The following B3GAT2 variants were observed in gnomAD, a reference collection of about 807,000 sequenced individuals.
The protein encoded by B3GAT2 is beta-1,3-glucuronyltransferase 2, also known as galactosylgalactosylxylosylprotein 3-beta-glucuronosyltransferase 2.
Under a neutral mutation model 27.8 loss-of-function variants are expected in B3GAT2, and 26 were observed. That is an observed-to-expected ratio of 0.93 (90% confidence interval 0.68 to 1.30). The LOEUF (loss-of-function observed/expected upper bound fraction) is 1.30, where lower values mean the gene tolerates loss of function less well. B3GAT2 is among the 50% of genes most tolerant of loss of function. B3GAT2 has a pLI of 0.00. For synonymous variants in B3GAT2, 218 were observed against 195.1 expected (o/e 1.12, Z -0.98); for missense variants, 458 against 459.0 (o/e 1.00, Z 0.02).
chr6:70,907,650 T>C (rs1422087467), intron 1 of B3GAT2, among the ~76,000 whole-genome samples: 1 of 152,216 alleles, frequency 6.6e-6, no homozygotes, highest in Non-Finnish European at 1.5e-5. Flanking sequence ...GCAAAATTCA[T>C]ATAAGTCAAT....
At chr6:70,897,312 T>C (rs1772404655) in intron 1 of B3GAT2, among the ~76,000 whole-genome samples, 1 of 152,240 alleles carries the variant, frequency 6.6e-6, no homozygotes, top group South Asian at 2.1e-4. Flanking sequence ...TGTATAAATA[T>C]TTTCTCCCAC....
chr6:70,899,077 G>T (rs1430239990), intron 1 of B3GAT2, among the ~76,000 whole-genome samples: 1 of 152,136 alleles, frequency 6.6e-6, no homozygotes, highest in Admixed American at 6.5e-5. Context: ...TGCTGTGCAA[G>T]AGACATGCTC....
At chr6:70,878,949 C>T (rs908451121) in intron 2 of B3GAT2, among the ~76,000 whole-genome samples, 6 of 152,130 alleles carry the variant, frequency 3.9e-5, no homozygotes, top group African/African-American at 1.4e-4. Context: ...CCGTCACCAG[C>T]AGGCATTGAA....
chr6:70,926,494 G>A (rs1042565113), intron 1 of B3GAT2, among the ~76,000 whole-genome samples: 1 of 152,190 alleles, frequency 6.6e-6, no homozygotes, highest in Admixed American at 6.5e-5. Context: ...ACCTGATGGA[G>A]CTGAAAACCA....
intron 1 of B3GAT2, among the ~76,000 whole-genome samples, chr6:70,905,775 A>G (rs1772591271): frequency 6.6e-6 from 1 of 152,178 alleles, no homozygotes; most frequent in African/African-American, 2.4e-5. Flanking sequence ...ACTCAGATAC[A>G]AAGGAGCTAC....
At chr6:70,896,588 T>A (rs1341197933) in intron 1 of B3GAT2, among the ~76,000 whole-genome samples, 1 of 152,220 alleles carries the variant, frequency 6.6e-6, no homozygotes, top group Non-Finnish European at 1.5e-5. Context: ...CTCCTTTCTA[T>A]AACTATACAT....
At chr6:70,906,246 C>T (rs746047383) in intron 1 of B3GAT2, among the ~76,000 whole-genome samples, 1 of 152,198 alleles carries the variant, frequency 6.6e-6, no homozygotes, top group African/African-American at 2.4e-5. Flanking sequence ...ATTAACCATG[C>T]AGTTTCAAAA....
chr6:70,869,529 T>C (rs1771901680), intron 2 of B3GAT2, among the ~76,000 whole-genome samples: 1 of 152,210 alleles, frequency 6.6e-6, no homozygotes, highest in South Asian at 2.1e-4. Flanking sequence ...TTCTGACCCA[T>C]AACAATATTA....
intron 1 of B3GAT2, among the ~76,000 whole-genome samples, chr6:70,920,030 G>C (rs1772841038): frequency 6.6e-6 from 1 of 152,192 alleles, no homozygotes; most frequent in Admixed American, 6.5e-5. Context: ...AGAGGCAGTA[G>C]GCCTTGCTGA....
intron 1 of B3GAT2, among the ~76,000 whole-genome samples, chr6:70,934,613 T>A (rs1399392065): frequency 6.6e-6 from 1 of 152,310 alleles, no homozygotes; most frequent in African/African-American, 2.4e-5. Flanking sequence ...CCTAATATCA[T>A]TAATAAATCA....
chr6:70,927,351 T>TA (rs1772980394), intron 1 of B3GAT2, among the ~76,000 whole-genome samples: 1 of 152,142 alleles, frequency 6.6e-6, no homozygotes, highest in Admixed American at 6.5e-5. Context: ...GTAAATGGGC[T>TA]AAAAGCCCCA....
At chr6:70,875,709 C>G (rs184799569) in intron 2 of B3GAT2, among the ~76,000 whole-genome samples, 2 of 152,160 alleles carry the variant, frequency 1.3e-5, no homozygotes, top group East Asian at 1.9e-4. Flanking sequence ...TGACTACTGA[C>G]TGAAACTTTA....
chr6:70,888,265 C>T (rs1401125557), intron 2 of B3GAT2, among the ~76,000 whole-genome samples: 1 of 151,452 alleles, frequency 6.6e-6, no homozygotes, highest in Non-Finnish European at 1.5e-5. Flanking sequence ...CTATTTTACA[C>T]AAAATAGGTG....
chr6:70,916,501 T>C (rs1364507261), intron 1 of B3GAT2, among the ~76,000 whole-genome samples: 1 of 152,206 alleles, frequency 6.6e-6, no homozygotes, highest in Admixed American at 6.5e-5. Context: ...ATGCTTCCAG[T>C]TTTTGCCCAT....
intron 1 of B3GAT2, among the ~76,000 whole-genome samples, chr6:70,913,185 G>A (rs1772715530): frequency 6.6e-6 from 1 of 151,736 alleles, no homozygotes; most frequent in Non-Finnish European, 1.5e-5. Context: ...TCTTGTTTTG[G>A]TTCTTTTCTT....
Position 70,861,366 on chromosome 6 carries a change from T to C in B3GAT2, c.*297A>G, listed in dbSNP as rs919045305. The C allele has an allele frequency of 1.5e-5, 4 of 275,862 alleles. No individual in the cohort carries two copies. Among genetic ancestry groups the C allele is most frequent in the African/African-American group, 8.6e-5 (4 of 46,662 alleles). 17.1% of individuals were successfully genotyped at this position (275,862 alleles called of 1,614,324 possible). ...GCAAATTGGAGAAAAAGAAAAAATA[T>C]ATACTCAAGAGTGGTATCTTGCAGT... On this transcript the variant is annotated 3_prime_UTR_variant, in exon 4 of 4. Transcript: ENST00000230053.
At chr6:70,895,500 T>TTTTTTTTTA in intron 1 of B3GAT2, among the ~76,000 whole-genome samples, 1 of 101,760 alleles carries the variant, frequency 9.8e-6, no homozygotes, top group Non-Finnish European at 2.2e-5. Context: ...AGGGGATTTT[T>TTTTTTTTTA]TTTTTTTTTT....
chr6:70,892,620 G>A (rs1772309414), intron 2 of B3GAT2, among the ~76,000 whole-genome samples: 1 of 152,194 alleles, frequency 6.6e-6, no homozygotes, highest in South Asian at 2.1e-4. Context: ...GGGAGGCCAG[G>A]AAAGGAGGGC....
chr6:70,941,970 C>G (rs1199366624), intron 1 of B3GAT2, among the ~76,000 whole-genome samples: 1 of 152,034 alleles, frequency 6.6e-6, no homozygotes, highest in Admixed American at 6.6e-5. Context: ...TCTAAAGGAT[C>G]CACAAAAGTC....
Sources: gnomAD v4.1 joint callset for allele counts (sites outside exome capture counted in the v4.1 genomes callset) on GRCh38, gnomAD v4.1.1 for gene constraint, MANE v1.5 for transcripts, NCBI Gene and HGNC (gene_info 2026-07-23, HGNC 2026-07-21) for gene names.